Variants in CYLD observed in about 807,000 individuals in gnomAD.
CYLD encodes the protein CYLD lysine 63 deubiquitinase, also known as ubiquitin carboxyl-terminal hydrolase CYLD.
A neutral mutation model predicts 104.5 loss-of-function variants in CYLD; 26 were observed. That is an observed-to-expected ratio of 0.25 (90% CI 0.18 to 0.35). The LOEUF is 0.35. CYLD is among the 10% of genes least tolerant of loss of function. CYLD has a pLI of 1.00. For missense variants in CYLD, 703 were observed against 1,136.1 expected (o/e 0.62, Z 5.48); for synonymous variants, 385 against 399.9 (o/e 0.96, Z 0.45).
chr16:50,795,593 C>T (rs1409098877), intron 18 of CYLD: 1 of 703,008 alleles, frequency 1.4e-6, no homozygotes, highest in Non-Finnish European at 2.6e-6. Flanking sequence ...TGTGGCCCTC[C>T]AGTAGCCTAA....
intron 5 of CYLD, among the ~76,000 whole-genome samples, chr16:50,755,005 A>G (rs1966881251): frequency 7.6e-5 from 1 of 13,184 alleles, no homozygotes; most frequent in Non-Finnish European, 1.8e-4. Flanking sequence ...ATGTATATAT[A>G]CATATATATG....
At position 50,782,320 on chromosome 16, in the gene CYLD, T is replaced by C; in HGVS notation, c.1685-5T>C. The C allele has an allele frequency of 6.3e-7, 1 of 1,591,994 alleles. No homozygotes were observed. The highest frequency in any genetic ancestry group is 8.6e-7 in the Non-Finnish European group (1 of 1,165,252). ...CATTTACTTTTTTTAAAAAAATCTTTTCAGCATTTGGAGGCTACTTAAGTG... is the reference window on the plus strand; with the variant it reads ...CATTTACTTTTTTTAAAAAAATCTTCTCAGCATTTGGAGGCTACTTAAGTG... On this transcript the variant is annotated splice_region_variant and splice_polypyrimidine_tract_variant and intron_variant, in intron 10 of 18. Coordinates refer to ENST00000427738, the MANE Select transcript of CYLD (RefSeq NM_001378743.1).
intron 5 of CYLD, 160 bp downstream of exon 5, chr16:50,754,584 A>C (rs900701949): frequency 6.5e-6 from 4 of 615,412 alleles, no homozygotes; most frequent in Non-Finnish European, 1.2e-5. Flanking sequence ...TCACCCGAGA[A>C]GTATACTCCG....
At chr16:50,746,616 C>A (rs868710558) in intron 2 of CYLD, among the ~76,000 whole-genome samples, 13 of 152,114 alleles carry the variant, frequency 8.5e-5, no homozygotes, top group South Asian at 2.1e-4. Context: ...TCCACTTGTG[C>A]TAATGAAAGT....
intron 14 of CYLD, 145 bp downstream of exon 14, chr16:50,787,997 A>G: frequency 1.8e-6 from 1 of 553,000 alleles, no homozygotes; most frequent in South Asian, 2.4e-5. Context: ...ATATCATGCA[A>G]GTTAATTTTA....
chr16:50,744,485 A>C (rs1157709205), intron 2 of CYLD, among the ~76,000 whole-genome samples: 1 of 152,216 alleles, frequency 6.6e-6, no homozygotes, highest in African/African-American at 2.4e-5. Flanking sequence ...ATTTATAATT[A>C]GGGGCAGAAT....
chr16:50,743,247 G>A (rs1349612094), intron 2 of CYLD, among the ~76,000 whole-genome samples: 1 of 152,154 alleles, frequency 6.6e-6, no homozygotes, highest in Non-Finnish European at 1.5e-5. Flanking sequence ...CCCAGGCCTT[G>A]AGAGGGTGTT....
rs774586791 is a variant in CYLD, at chr16:50,796,516, C to T, written c.*8C>T. ...ATGAGTTTGTACAAATAACTGGGGT[C>T]ATCGGGAAAGGCAAAGAAACTGAAG... On this transcript the variant is annotated 3_prime_UTR_variant, in exon 19 of 19. Coordinates refer to ENST00000427738, the MANE Select transcript of CYLD (RefSeq NM_001378743.1). 1.2e-6 allele frequency: 2 copies of T among 1,612,090 alleles called. No homozygotes were observed. The highest frequency in any genetic ancestry group is 1.7e-6 in the Non-Finnish European group (2 of 1,179,902).
In CYLD at chr16:50,797,267, T is replaced by C; in HGVS notation, c.*759T>C. On this transcript the variant is annotated 3_prime_UTR_variant, in exon 19 of 19. Transcript: ENST00000427738. ...ACAGGTTTTTTAAGGCTTTTAACTA[T>C]TAATATTTTATGGAATGGGGCAAAG... 4.3e-6 allele frequency: 1 copy of C among 232,542 alleles called. No individual in the cohort carries two copies. The highest frequency in any genetic ancestry group is 8.5e-6 in the Non-Finnish European group (1 of 117,590). 14.4% of individuals were successfully genotyped at this position (232,542 alleles called of 1,614,324 possible).
intron 2 of CYLD, among the ~76,000 whole-genome samples, chr16:50,743,511 C>T (rs1311022424): frequency 6.6e-6 from 1 of 152,152 alleles, no homozygotes; most frequent in Non-Finnish European, 1.5e-5. Flanking sequence ...GCAGATAAGG[C>T]TTGTTATATA....
Position 50,770,453 on chromosome 16 carries a change from C to CT in CYLD, c.914-4699dup, listed in dbSNP as rs1187147281. ...CTGTATATATTCTTTTTCTTTCTTTCTTTTTTTTTTTTTTGAGATGGAGTC... is the reference window on the plus strand; with the variant it reads ...CTGTATATATTCTTTTTCTTTCTTTCTTTTTTTTTTTTTTTGAGATGGAGTC... On this transcript the variant is annotated intron_variant, in intron 5 of 18. Transcript: ENST00000427738. Among the ~76,000 whole-genome samples the CT allele has an allele frequency of 4.1e-3, 587 of 141,970 alleles. 3 individuals carry two copies. The highest frequency in any genetic ancestry group is 5.4e-3 in the Non-Finnish European group (350 of 64,600). 93.1% of individuals were successfully genotyped at this position (141,970 alleles called of 152,430 possible). A position where few individuals can be genotyped will look rare whatever the true frequency, so the allele number is the denominator to read the frequency against.
chr16:50,789,314 C>G (rs1971184637), intron 14 of CYLD, among the ~76,000 whole-genome samples: 1 of 152,142 alleles, frequency 6.6e-6, no homozygotes. Flanking sequence ...AGAAAAAAGT[C>G]AATTTGGTTT....
At chr16:50,788,103 C>T (rs1350677629) in intron 14 of CYLD, among the ~76,000 whole-genome samples, 1 of 152,126 alleles carries the variant, frequency 6.6e-6, no homozygotes. Context: ...AGTATTATTG[C>T]AAATCATTTT....
At chr16:50,768,335 ACT>A (rs763986971) in intron 5 of CYLD, among the ~76,000 whole-genome samples, 3 of 151,880 alleles carry the variant, frequency 2.0e-5, no homozygotes, top group Non-Finnish European at 4.4e-5. Context: ...CATCATTAGG[ACT>A]CTTTTCTTGA....
chr16:50,799,889 A>G lies in CYLD; in HGVS notation c.*3381A>G. The G allele has an allele frequency of 4.3e-6, 1 of 233,142 alleles. No homozygotes were observed. Among genetic ancestry groups the G allele is most frequent in the African/African-American group, 2.2e-5 (1 of 45,454 alleles). The allele number at this position is 233,142 out of a possible 1,614,324, so 14.4% of individuals were successfully genotyped here. A position where few individuals can be genotyped will look rare whatever the true frequency, so the allele number is the denominator to read the frequency against. On this transcript the variant is annotated 3_prime_UTR_variant, in exon 19 of 19. Transcript: ENST00000427738. ...AGTAACTGCCAACCAAGAAGTATTTATCGGACACTTACTAGGTGCCTAGGA... is the reference window on the plus strand; with the variant it reads ...AGTAACTGCCAACCAAGAAGTATTTGTCGGACACTTACTAGGTGCCTAGGA...
chr16:50,781,721 C>CTT, intron 10 of CYLD, among the ~76,000 whole-genome samples: 2 of 145,222 alleles, frequency 1.4e-5, no homozygotes, highest in South Asian at 2.2e-4. Context: ...ATGTAACCTT[C>CTT]TTTTTTTTTT....
rs141888517 is a variant in CYLD, at chr16:50,800,187, T to C, written c.*3679T>C. ...TAATGAGAGGGTTAGACTACTGAAT[T>C]GTATGGGAAAAAAATACAAATTCCT... On this transcript the variant is annotated 3_prime_UTR_variant, in exon 19 of 19. Coordinates refer to ENST00000427738, the MANE Select transcript of CYLD (RefSeq NM_001378743.1). 1.1e-4 allele frequency: 25 copies of C among 232,844 alleles called. No individual in the cohort carries two copies. In the East Asian group the frequency reaches 1.5e-3, roughly 14 times the overall value. The allele number at this position is 232,844 out of a possible 1,614,324, so 14.4% of individuals were successfully genotyped here. A position where few individuals can be genotyped will look rare whatever the true frequency, so the allele number is the denominator to read the frequency against.
At chr16:50,785,554 G>A (rs1970724009) in intron 12 of CYLD, 1 of 152,030 alleles carries the variant, frequency 6.6e-6, no homozygotes, top group Admixed American at 6.6e-5. Context: ...CCAAGTAATT[G>A]ATACTGGAAC....
rs753674182 is a variant in CYLD, at chr16:50,779,760, A to G, written c.1234A>G (p.Thr412Ala). ...LQPPPVNSLTTENRFHSLPFS... is the reference protein window; with the variant it reads ...LQPPPVNSLTAENRFHSLPFS... ...GCCTCCTCCTGTGAACTCACTGACC[A>G]CCGAGAACAGATTCCACTCTTTACC... The change falls in exon 9 of 19, where the codon ACC (threonine) becomes GCC (alanine). Residue 412 changes from threonine to alanine, a missense_variant. Coordinates refer to ENST00000427738, the MANE Select transcript of CYLD (RefSeq NM_001378743.1). The G allele has an allele frequency of 1.2e-6, 2 of 1,613,946 alleles. No individual in the cohort carries two copies. Among genetic ancestry groups the G allele is most frequent in the Non-Finnish European group, 1.7e-6 (2 of 1,179,986 alleles).
Sources: gnomAD v4.1 joint callset for allele counts (sites outside exome capture counted in the v4.1 genomes callset) on GRCh38, gnomAD v4.1.1 for gene constraint, MANE v1.5 for transcripts, NCBI Gene and HGNC (gene_info 2026-07-23, HGNC 2026-07-21) for gene names.